The following PIWIL4 variants were observed in gnomAD, a reference collection of about 807,000 sequenced individuals.
PIWIL4 encodes the protein piwi like RNA-mediated gene silencing 4, also known as piwi-like protein 4.
In PIWIL4, 50 loss-of-function variants were observed where a neutral mutation model predicts 100.9. That is an observed-to-expected ratio of 0.50 (90% CI 0.39 to 0.63). The LOEUF is 0.63. Ranked by LOEUF, PIWIL4 falls within the 20% of genes least tolerant of loss-of-function variation. The probability of loss-of-function intolerance (pLI) is 0.00; values close to 1 mark genes in which losing one functional copy is unlikely to be tolerated. For synonymous variants in PIWIL4, 342 were observed against 367.5 expected, an observed-to-expected ratio of 0.93 and a Z score of 0.79; for missense variants, 887 against 1,043.3, an observed-to-expected ratio of 0.85 and a Z score of 2.06.
At chr11:94,609,381 C>T (rs927849020) in intron 15 of PIWIL4, among the ~76,000 whole-genome samples, 14 of 152,126 alleles carry the variant, frequency 9.2e-5, no homozygotes, top group Admixed American at 2.0e-4. Flanking sequence ...GAATTGTTTC[C>T]ACCTTTGTAA....
At position 94,608,676 on chromosome 11, in the gene PIWIL4, A is replaced by G. The variant is rs753718545; in HGVS notation, c.1933A>G (p.Arg645Gly). 7 of 1,613,908 alleles carry G rather than the reference A, an allele frequency of 4.3e-6. No homozygotes were observed. The East Asian group carries it at 1.6e-4, about 36-fold the overall frequency. Reference sequence around the variant, plus strand: ...TGGATGCGTGGCCAGTGTTAACCCCAGAATCACCAGGTACTGCTAAAACTA... The same window carrying G: ...TGGATGCGTGGCCAGTGTTAACCCCGGAATCACCAGGTACTGCTAAAACTA... ...VVGCVASVNP[R>G]ITRWFSRCIL... Residue 645 changes from arginine to glycine, a missense_variant, in exon 15 of 20, where the codon AGA becomes GGA. By Grantham distance (125) the Arg-to-Gly change is moderately radical. Around this residue, in one of 2 missense-constraint regions of PIWIL4, gnomAD observed 741 missense variants for 930.0 expected, o/e 0.80. Transcript: ENST00000299001.
chr11:94,584,718 GAC>G (rs893210863), intron 5 of PIWIL4, among the ~76,000 whole-genome samples: 4 of 152,204 alleles, frequency 2.6e-5, no homozygotes, highest in African/African-American at 9.6e-5. Flanking sequence ...ACTTGCTGAA[GAC>G]ACAGTCTTGG....
chr11:94,569,783 G>C lies in PIWIL4; in HGVS notation c.166+975G>C, dbSNP rs542290086. ...TAATGTGTACACATGGACATAGAGT[G>C]TGGAATAATAGACATTGGAGACTCG... On this transcript the variant is annotated intron_variant, in intron 2 of 19. Coordinates refer to ENST00000299001, the MANE Select transcript of PIWIL4 (RefSeq NM_152431.3). Among the ~76,000 whole-genome samples, 7 of 151,090 alleles carry C rather than the reference G, an allele frequency of 4.6e-5. No homozygotes were observed. The South Asian group carries it at 1.5e-3, about 32-fold the overall frequency.
At chr11:94,591,468 A>G (rs1259806267) in intron 8 of PIWIL4, among the ~76,000 whole-genome samples, 1 of 152,258 alleles carries the variant, frequency 6.6e-6, no homozygotes, top group Non-Finnish European at 1.5e-5. Flanking sequence ...CTTGGAGAGC[A>G]AGGATGGTGT....
chr11:94,591,794 A>G (rs1948489741), intron 8 of PIWIL4, among the ~76,000 whole-genome samples: 1 of 152,148 alleles, frequency 6.6e-6, no homozygotes. Flanking sequence ...ACTGATTATT[A>G]TGTAGTCAGT....
Position 94,587,239 on chromosome 11 carries a change from C to T in PIWIL4, c.906C>T (p.Val302=). 1 of 1,613,612 alleles carries T rather than the reference C, an allele frequency of 6.2e-7. No individual in the cohort carries two copies. Among genetic ancestry groups the T allele is most frequent in the Non-Finnish European group, 8.5e-7 (1 of 1,179,768 alleles). The change falls in exon 7 of 20, where the codon GTC becomes GTT. Residue 302 remains valine, a synonymous_variant. Transcript: ENST00000299001. ...TCEKQLIGLI[V]LTRYNNRTYS... is the part of the protein sequence containing the mutation. ...AGAAGCAGCTAATAGGGCTCATTGT[C>T]CTTACAAGGTACAAGCCTGCGTCTA... is the stretch of plus-strand genomic sequence containing the variant.
At chr11:94,573,794 T>A (rs541155520) in intron 2 of PIWIL4, among the ~76,000 whole-genome samples, 1 of 152,224 alleles carries the variant, frequency 6.6e-6, no homozygotes, top group East Asian at 1.9e-4. Context: ...TACTTTTAAA[T>A]GTGCAGTCTT....
intron 8 of PIWIL4, among the ~76,000 whole-genome samples, chr11:94,592,490 C>G (rs1371302393): frequency 6.6e-6 from 1 of 152,242 alleles, no homozygotes; most frequent in Non-Finnish European, 1.5e-5. Context: ...CATACAAACT[C>G]ACTTGATAAA....
intron 16 of PIWIL4, 55 bp downstream of exon 16, chr11:94,616,618 A>G: frequency 7.2e-7 from 1 of 1,386,476 alleles, no homozygotes; most frequent in East Asian, 2.3e-5. Context: ...TTCAGACCTC[A>G]AATCCACATG....
At chr11:94,595,459 C>T in intron 10 of PIWIL4, 33 bp downstream of exon 10, 1 of 1,555,600 alleles carries the variant, frequency 6.4e-7, no homozygotes, top group Non-Finnish European at 8.8e-7. Flanking sequence ...CTTCCTGGGG[C>T]TGAGTTTTTA....
chr11:94,594,817 C>G (rs1477451525), intron 9 of PIWIL4, among the ~76,000 whole-genome samples: 1 of 152,148 alleles, frequency 6.6e-6, no homozygotes, highest in African/African-American at 2.4e-5. Flanking sequence ...CAGGCATGAG[C>G]CACAGCGCCC....
chr11:94,621,045 A>G lies in PIWIL4; in HGVS notation c.*53A>G. On this transcript the variant is annotated 3_prime_UTR_variant, in exon 20 of 20. Transcript: ENST00000299001. ...GGACAATCCAAGAAGAAATTGGTAT[A>G]CTTTGTGCAAATCTGCCATAAGCTC... 7.5e-7 allele frequency: 1 copy of G among 1,332,078 alleles called. No homozygotes were observed. Among genetic ancestry groups the G allele is most frequent in the Non-Finnish European group, 1.1e-6 (1 of 927,714 alleles). The allele number at this position is 1,332,078 out of a possible 1,614,324, so 82.5% of individuals were successfully genotyped here.
intron 1 of PIWIL4, among the ~76,000 whole-genome samples, chr11:94,568,433 G>A (rs1398119323): frequency 6.6e-6 from 1 of 152,148 alleles, no homozygotes; most frequent in Non-Finnish European, 1.5e-5. Flanking sequence ...TGTGCCGCAT[G>A]CCCTCTGGTG....
intron 1 of PIWIL4, 198 bp downstream of exon 1, chr11:94,567,803 G>A (rs1215821326): frequency 4.9e-6 from 6 of 1,212,584 alleles, no homozygotes; most frequent in African/African-American, 3.1e-5. Context: ...AGATATTAAC[G>A]TAGGTATATT....
At position 94,620,925 on chromosome 11, in the gene PIWIL4, T is replaced by C. The variant is rs1197368497; in HGVS notation, c.2492T>C (p.Phe831Ser). The C allele has an allele frequency of 6.2e-7, 1 of 1,613,802 alleles. No individual in the cohort carries two copies. Among genetic ancestry groups the C allele is most frequent in the African/African-American group, 1.3e-5 (1 of 74,864 alleles). ...APCQYAHKLT[F>S]LVAQSIHKEP... Reference sequence around the variant, plus strand: ...TGTCAGTATGCTCACAAGCTGACCTTTCTGGTGGCACAAAGCATTCATAAA... The same window carrying C: ...TGTCAGTATGCTCACAAGCTGACCTCTCTGGTGGCACAAAGCATTCATAAA... Residue 831 changes from phenylalanine to serine, a missense_variant, in exon 20 of 20, where the codon TTT becomes TCT. Physicochemically the swap from Phe to Ser is radical, Grantham distance 155. This residue lies in a region of PIWIL4 where 741 missense variants were observed against 930.0 expected (regional missense o/e 0.80). Transcript: ENST00000299001.
At chr11:94,574,693 G>T in intron 2 of PIWIL4, among the ~76,000 whole-genome samples, 1 of 152,196 alleles carries the variant, frequency 6.6e-6, no homozygotes, top group Middle Eastern at 3.4e-3. Flanking sequence ...CGTTGCCCAG[G>T]CTGGTCTCTA....
At chr11:94,571,354 T>C (rs1948150678) in intron 2 of PIWIL4, among the ~76,000 whole-genome samples, 1 of 152,222 alleles carries the variant, frequency 6.6e-6, no homozygotes, top group African/African-American at 2.4e-5. Context: ...GTTACATATG[T>C]ATACATGTGC....
chr11:94,568,666 G>C, intron 1 of PIWIL4, 64 bp from the exon 2 acceptor site: 1 of 1,284,536 alleles, frequency 7.8e-7, no homozygotes. Flanking sequence ...CTGTTCTTAG[G>C]ATAATCTTTT....
intron 14 of PIWIL4, 35 bp downstream of exon 14, chr11:94,607,674 TAATA>T: frequency 6.4e-7 from 1 of 1,551,230 alleles, no homozygotes. Flanking sequence ...TATTAGTAAT[TAATA>T]AATTTATTTT....
Sources: allele counts gnomAD v4.1 joint callset (sites outside exome capture counted in the v4.1 genomes callset), GRCh38; gene constraint gnomAD v4.1.1; regional missense constraint gnomAD v4.1.1; transcripts MANE v1.5; gene names NCBI Gene and HGNC (gene_info 2026-07-23, HGNC 2026-07-21).